CDK14: variants seen among roughly 807,000 people sequenced by gnomAD.
CDK14 encodes cyclin-dependent kinase 14.
In CDK14, 34 loss-of-function variants were observed where a neutral mutation model predicts 60.7. The observed-to-expected ratio is 0.56, with a 90% CI of 0.43 to 0.75. The LOEUF is 0.75. Among genes scored for constraint, CDK14 ranks in the 30% least tolerant of loss-of-function variants. CDK14 has a pLI of 0.00. For missense variants in CDK14, 482 were observed against 564.1 expected, an observed-to-expected ratio of 0.85 and a Z score of 1.47; for synonymous variants, 197 against 203.7, an observed-to-expected ratio of 0.97 and a Z score of 0.28.
At position 90,794,355 on chromosome 7, in the gene CDK14, A is replaced by G. The variant is rs1273368304; in HGVS notation, c.544+3703A>G. Among the ~76,000 whole-genome samples the G allele has an allele frequency of 2.0e-5, 3 of 152,168 alleles. No individual in the cohort carries two copies. In the East Asian group the frequency reaches 5.8e-4, roughly 29 times the overall value. On this transcript the variant is annotated intron_variant, in intron 5 of 14. Coordinates refer to ENST00000380050, the MANE Select transcript of CDK14 (RefSeq NM_001287135.2). ...CGGGGAGCAGACAACCGGTCTGACC[A>G]AAATTTATTAGGCGGGAATTTCCTC...
chr7:91,008,127 C>CAAAAAAAAA lies in CDK14; in HGVS notation c.1041+23896_1041+23904dup, dbSNP rs56082719. 2.5e-3 allele frequency among the ~76,000 whole-genome samples: 155 copies of CAAAAAAAAA among 62,552 alleles called. 15 individuals are homozygous for CAAAAAAAAA. The highest frequency in any genetic ancestry group is 6.9e-3 in the African/African-American group (116 of 16,698). The allele number at this position is 62,552 out of a possible 152,430, so 41.0% of individuals were successfully genotyped here. ...ATGGGAGCCAGTGCCGGGAGAAGGC[C>CAAAAAAAAA]AAAAAAAAAAAAAAAAAACAAACAA... is the stretch of plus-strand genomic sequence containing the variant. On this transcript the variant is annotated intron_variant, in intron 10 of 14. Transcript: ENST00000380050.
intron 5 of CDK14, among the ~76,000 whole-genome samples, chr7:90,845,157 A>G (rs1790426404): frequency 6.6e-6 from 1 of 152,120 alleles, no homozygotes. Flanking sequence ...AGTACCTAGC[A>G]CAGTGCCTTG....
chr7:91,013,108 A>G (rs1012940070), intron 10 of CDK14, among the ~76,000 whole-genome samples: 6 of 152,204 alleles, frequency 3.9e-5, no homozygotes, highest in African/African-American at 1.4e-4. Flanking sequence ...GGGAGAGGCA[A>G]CAGGTTATCA....
intron 9 of CDK14, among the ~76,000 whole-genome samples, chr7:90,963,016 G>A (rs1245514135): frequency 6.6e-6 from 1 of 150,804 alleles, no homozygotes; most frequent in East Asian, 2.0e-4. Flanking sequence ...TTGGTTTTAG[G>A]GAAATTAACA....
At chr7:91,111,762 A>G (rs1348513211) in intron 12 of CDK14, among the ~76,000 whole-genome samples, 2 of 152,230 alleles carry the variant, frequency 1.3e-5, no homozygotes, top group African/African-American at 4.8e-5. Flanking sequence ...TACTTTTATT[A>G]TCATTATTAT....
intron 10 of CDK14, among the ~76,000 whole-genome samples, chr7:91,004,386 A>G (rs1204749411): frequency 6.6e-6 from 1 of 152,244 alleles, no homozygotes; most frequent in Non-Finnish European, 1.5e-5. Flanking sequence ...TGAAATGGAC[A>G]AGTTCCTTGA....
At chr7:90,721,035 A>T (rs1415094106) in intron 2 of CDK14, among the ~76,000 whole-genome samples, 1 of 152,182 alleles carries the variant, frequency 6.6e-6, no homozygotes, top group African/African-American at 2.4e-5. Flanking sequence ...ACTGGTTCAC[A>T]TAGGTTTTCT....
chr7:90,647,265 C>T (rs1563028917), intron 2 of CDK14, among the ~76,000 whole-genome samples: 1 of 152,042 alleles, frequency 6.6e-6, no homozygotes, highest in African/African-American at 2.4e-5. Context: ...ACGATCTAGT[C>T]CCACCTTCCA....
At chr7:90,717,481 T>G (rs1048415166) in intron 2 of CDK14, among the ~76,000 whole-genome samples, 1 of 152,126 alleles carries the variant, frequency 6.6e-6, no homozygotes, top group African/African-American at 2.4e-5. Context: ...AGGAATGTGG[T>G]GTCCTCAAGA....
At chr7:90,719,369 T>C (rs1802363744) in intron 2 of CDK14, among the ~76,000 whole-genome samples, 1 of 152,016 alleles carries the variant, frequency 6.6e-6, no homozygotes, top group Admixed American at 6.6e-5. Context: ...CACCAGAAAA[T>C]GGGTGATTCA....
At chr7:90,774,066 G>C (rs1804914085) in intron 4 of CDK14, among the ~76,000 whole-genome samples, 1 of 151,852 alleles carries the variant, frequency 6.6e-6, no homozygotes, top group Non-Finnish European at 1.5e-5. Flanking sequence ...ACCATGCCTG[G>C]CTAATTTTTG....
At chr7:90,688,260 T>TA (rs1801480935) in intron 2 of CDK14, among the ~76,000 whole-genome samples, 1 of 152,124 alleles carries the variant, frequency 6.6e-6, no homozygotes, top group Non-Finnish European at 1.5e-5. Flanking sequence ...TTTTGATGCC[T>TA]GAGATCAGTC....
At chr7:90,906,515 T>C (rs1792710274) in intron 7 of CDK14, among the ~76,000 whole-genome samples, 1 of 152,088 alleles carries the variant, frequency 6.6e-6, no homozygotes. Flanking sequence ...TCATTTTGCT[T>C]CTAAATTTAG....
At chr7:90,909,609 C>T (rs1187946837) in intron 7 of CDK14, among the ~76,000 whole-genome samples, 1 of 152,072 alleles carries the variant, frequency 6.6e-6, no homozygotes, top group Non-Finnish European at 1.5e-5. Context: ...ACTGCCTGCT[C>T]ATTGTGGGCA....
In CDK14 at chr7:90,954,301, A is replaced by C. The variant is rs1469521125; in HGVS notation, c.827-1396A>C. Among the ~76,000 whole-genome samples, 3 of 152,130 alleles carry C rather than the reference A, an allele frequency of 2.0e-5. No individual in the cohort carries two copies. The East Asian group carries it at 5.8e-4, about 29-fold the overall frequency. ...GAAAAAGCCATTTCCTTACTACATA[A>C]AAATTTTTAAATAGAACATTAAAAT... On this transcript the variant is annotated intron_variant, in intron 8 of 14. Coordinates refer to ENST00000380050, the MANE Select transcript of CDK14 (RefSeq NM_001287135.2).
chr7:90,710,513 T>C (rs1163897398), intron 2 of CDK14: 2 of 985,172 alleles, frequency 2.0e-6, no homozygotes, highest in Non-Finnish European at 2.4e-6. Flanking sequence ...TTCCTTCCTT[T>C]TTGGATCACA....
chr7:90,706,834 C>T (rs917794322), intron 2 of CDK14, among the ~76,000 whole-genome samples: 1 of 152,142 alleles, frequency 6.6e-6, no homozygotes, highest in African/African-American at 2.4e-5. Context: ...CTAGGGTGAA[C>T]AGAAGTCCTT....
At chr7:91,072,889 C>A (rs140032016) in intron 11 of CDK14, among the ~76,000 whole-genome samples, 1 of 151,418 alleles carries the variant, frequency 6.6e-6, no homozygotes. Flanking sequence ...TATCAATAGC[C>A]AAATTGATCA....
At chr7:91,139,806 CTTTCTTTCT>C (rs1404209777) in intron 14 of CDK14, among the ~76,000 whole-genome samples, 2 of 142,820 alleles carry the variant, frequency 1.4e-5, no homozygotes, top group East Asian at 2.0e-4. Flanking sequence ...TTCTTTCTTT[CTTTCTTTCT>C]TTTCTTTTCT....
Sources: allele counts gnomAD v4.1 joint callset (sites outside exome capture counted in the v4.1 genomes callset), GRCh38; gene constraint gnomAD v4.1.1; transcripts MANE v1.5; gene names NCBI Gene and HGNC (gene_info 2026-07-23, HGNC 2026-07-21).